The following UST variants were observed in gnomAD, a reference collection of about 807,000 sequenced individuals.
The protein encoded by UST is uronyl 2-sulfotransferase, also known as chondroitin sulfate 2-O-sulfotransferase.
UST carries 21 observed loss-of-function variants against 45.6 expected under a neutral mutation model. The observed-to-expected ratio is 0.46, with a 90% CI of 0.33 to 0.66. The LOEUF (loss-of-function observed/expected upper bound fraction) is 0.66, where lower values mean the gene tolerates loss of function less well. Among genes scored for constraint, UST ranks in the 30% least tolerant of loss-of-function variants. The pLI is 0.02. For missense variants in UST, 463 were observed against 512.4 expected (o/e 0.90, Z 0.93); for synonymous variants, 215 against 200.6 (o/e 1.07, Z -0.61).
At chr6:149,061,594 C>A (rs1776655651) in intron 7 of UST, among the ~76,000 whole-genome samples, 1 of 152,204 alleles carries the variant, frequency 6.6e-6, no homozygotes, top group African/African-American at 2.4e-5. Flanking sequence ...AGTTGGCAAA[C>A]CAGAATCTGT....
At chr6:148,831,135 C>T (rs1777679093) in intron 1 of UST, among the ~76,000 whole-genome samples, 1 of 152,036 alleles carries the variant, frequency 6.6e-6, no homozygotes, top group Non-Finnish European at 1.5e-5. Context: ...CTTTAGGAAG[C>T]AGATCAACAC....
intron 2 of UST, among the ~76,000 whole-genome samples, chr6:148,899,092 CTTTTTTTTTTTT>C (rs3075093): frequency 2.1e-4 from 14 of 65,552 alleles, no homozygotes; most frequent in African/African-American, 8.3e-4. Context: ...CTACCTAATC[CTTTTTTTTTTTT>C]TTTTTTTTTT....
chr6:148,933,784 G>A (rs1779968047), intron 2 of UST, among the ~76,000 whole-genome samples: 1 of 152,174 alleles, frequency 6.6e-6, no homozygotes, highest in Non-Finnish European at 1.5e-5. Context: ...AAAATGGGAA[G>A]CTTGAAATGA....
At chr6:148,844,478 T>A (rs773662688) in intron 1 of UST, among the ~76,000 whole-genome samples, 1 of 152,222 alleles carries the variant, frequency 6.6e-6, no homozygotes, top group Admixed American at 6.5e-5. Context: ...GTTTTGATAA[T>A]ACACACATCT....
At chr6:148,787,075 T>A (rs939933913) in intron 1 of UST, among the ~76,000 whole-genome samples, 1 of 152,222 alleles carries the variant, frequency 6.6e-6, no homozygotes, top group Non-Finnish European at 1.5e-5. Flanking sequence ...TTCTTGTAAA[T>A]TTAAGTTCCT....
chr6:148,929,241 A>G (rs959214584), intron 2 of UST, among the ~76,000 whole-genome samples: 1 of 152,202 alleles, frequency 6.6e-6, no homozygotes, highest in African/African-American at 2.4e-5. Context: ...GTTTTACCCT[A>G]AGAGGAAGGC....
At chr6:149,028,069 C>G (rs2115023559) in intron 7 of UST, among the ~76,000 whole-genome samples, 2 of 152,156 alleles carry the variant, frequency 1.3e-5, no homozygotes, top group South Asian at 4.2e-4. Context: ...GTCTTGAACT[C>G]CTGACCTCAG....
chr6:148,988,043 C>T (rs1265060632), intron 5 of UST, among the ~76,000 whole-genome samples: 3 of 151,900 alleles, frequency 2.0e-5, no homozygotes, highest in African/African-American at 7.3e-5. Context: ...GTGTGGGGAG[C>T]TCGTGTCTGT....
chr6:149,005,239 C>T, intron 5 of UST: 1 of 946,620 alleles, frequency 1.1e-6, no homozygotes, highest in Middle Eastern at 5.4e-4. Flanking sequence ...CCCAACAGAC[C>T]CTCTGTGTAT....
chr6:148,890,876 G>C (rs1692470902), intron 2 of UST, among the ~76,000 whole-genome samples: 1 of 152,152 alleles, frequency 6.6e-6, no homozygotes, highest in African/African-American at 2.4e-5. Flanking sequence ...CACTGACTAA[G>C]AATCACCATG....
At chr6:148,901,371 C>T (rs1378816173) in intron 2 of UST, among the ~76,000 whole-genome samples, 12 of 152,202 alleles carry the variant, frequency 7.9e-5, no homozygotes, top group Admixed American at 5.2e-4. Flanking sequence ...TTTGCACATT[C>T]GAGTTTATTT....
chr6:149,022,635 A>T (rs1349574789), intron 7 of UST, among the ~76,000 whole-genome samples: 1 of 151,934 alleles, frequency 6.6e-6, no homozygotes, highest in Non-Finnish European at 1.5e-5. Context: ...GAAGCAGCAG[A>T]TGAAAGCTCC....
intron 1 of UST, among the ~76,000 whole-genome samples, chr6:148,883,753 TTA>T (rs1264328524): frequency 6.6e-6 from 1 of 152,180 alleles, no homozygotes; most frequent in African/African-American, 2.4e-5. Flanking sequence ...AGGGGATAAA[TTA>T]TGAGATGGAC....
At chr6:148,899,544 G>A (rs191574275) in intron 2 of UST, among the ~76,000 whole-genome samples, 219 of 152,234 alleles carry the variant, frequency 1.4e-3, no homozygotes, top group African/African-American at 4.9e-3. Context: ...ATGCCACCAC[G>A]CAAGGGCAAC....
At chr6:148,804,298 T>C (rs1261625194) in intron 1 of UST, among the ~76,000 whole-genome samples, 1 of 152,122 alleles carries the variant, frequency 6.6e-6, no homozygotes, top group Non-Finnish European at 1.5e-5. Context: ...TGATTGTGTT[T>C]ATAAACCCTC....
chr6:149,020,251 T>C (rs1775959024), intron 6 of UST, among the ~76,000 whole-genome samples: 1 of 152,196 alleles, frequency 6.6e-6, no homozygotes, highest in Admixed American at 6.5e-5. Context: ...ATTATAGAAC[T>C]AGGAGTGTTG....
At chr6:148,947,141 G>A (rs1780261518) in intron 3 of UST, among the ~76,000 whole-genome samples, 3 of 152,086 alleles carry the variant, frequency 2.0e-5, no homozygotes, top group Admixed American at 1.3e-4. Context: ...TAAATGCTGG[G>A]CTTCGGAGTT....
chr6:148,812,456 C>T (rs938168375), intron 1 of UST, among the ~76,000 whole-genome samples: 14 of 152,318 alleles, frequency 9.2e-5, no homozygotes, highest in African/African-American at 3.4e-4. Flanking sequence ...TTTACTATCT[C>T]ATGCAGTTTC....
intron 5 of UST, among the ~76,000 whole-genome samples, chr6:149,005,018 A>T (rs1382320330): frequency 6.6e-6 from 1 of 150,888 alleles, no homozygotes; most frequent in Non-Finnish European, 1.5e-5. Flanking sequence ...TTTTTTTTTA[A>T]CTTTTTTGTA....
Sources: allele counts gnomAD v4.1 joint callset (sites outside exome capture counted in the v4.1 genomes callset), GRCh38; gene constraint gnomAD v4.1.1; transcripts MANE v1.5; gene names NCBI Gene and HGNC (gene_info 2026-07-23, HGNC 2026-07-21).